The following MINDY4B variants were observed in gnomAD, a reference collection of about 807,000 sequenced individuals.
The protein encoded by MINDY4B is MINDY family member 4B, also known as inactive ubiquitin carboxyl-terminal hydrolase MINDY-4B.
Under a neutral mutation model 16.7 loss-of-function variants are expected in MINDY4B, and 25 were observed. The observed-to-expected ratio is 1.49, with a 90% CI of 1.09 to 2.09. MINDY4B has a LOEUF of 2.09. Ranked by LOEUF, MINDY4B falls within the 30% of genes most tolerant of loss-of-function variation. The pLI is 0.00. For missense variants in MINDY4B, 327 were observed against 168.4 expected, an observed-to-expected ratio of 1.94 and a Z score of -5.21; for synonymous variants, 132 against 61.9, an observed-to-expected ratio of 2.13 and a Z score of -5.32.
intron 3 of MINDY4B, among the ~76,000 whole-genome samples, chr3:150,901,710 G>A (rs982678304): frequency 6.6e-6 from 1 of 151,738 alleles, no homozygotes; most frequent in African/African-American, 2.4e-5. Context: ...TAGTAGAGAT[G>A]GGGTTTTGCC....
intron 1 of MINDY4B, 107 bp downstream of exon 1, chr3:150,905,220 G>A (rs150072540): frequency 2.5e-6 from 1 of 397,998 alleles, no homozygotes; most frequent in Admixed American, 4.4e-5. Flanking sequence ...GCATTTTAAA[G>A]GTAAATCTAT....
chr3:150,873,552 ATGAT>A (rs1717018135), intron 10 of MINDY4B, among the ~76,000 whole-genome samples, 185 bp from the exon 11 acceptor site: 1 of 152,214 alleles, frequency 6.6e-6, no homozygotes, highest in African/African-American at 2.4e-5. Context: ...GCATTTATGA[ATGAT>A]CTGGTATAGT....
chr3:150,890,512 G>T, intron 6 of MINDY4B, 127 bp from the exon 7 acceptor site: 1 of 487,126 alleles, frequency 2.1e-6, no homozygotes, highest in Non-Finnish European at 3.6e-6. Flanking sequence ...ACTAAAAACT[G>T]ACATACTATC....
At chr3:150,885,555 A>G (rs759321495) in intron 7 of MINDY4B, 117 bp from the exon 8 acceptor site, 3 of 661,316 alleles carry the variant, frequency 4.5e-6, no homozygotes, top group South Asian at 3.3e-5. Context: ...TGGCTGCTGA[A>G]AGGAATGAGC....
intron 3 of MINDY4B, among the ~76,000 whole-genome samples, chr3:150,895,038 G>A (rs1711924931): frequency 6.6e-6 from 1 of 152,216 alleles, no homozygotes; most frequent in African/African-American, 2.4e-5. Context: ...ACTGGCATTT[G>A]AATGAGGCTG....
Position 150,882,959 on chromosome 3 carries a change from G to A in MINDY4B, c.997C>T (p.Arg333Cys), listed in dbSNP as rs1161068678. The A allele has an allele frequency of 1.6e-5, 11 of 702,648 alleles. No individual in the cohort carries two copies. The highest frequency in any genetic ancestry group is 2.1e-5 in the Non-Finnish European group (8 of 384,774). 43.5% of individuals were successfully genotyped at this position (702,648 alleles called of 1,614,324 possible). Reference sequence around the variant, plus strand: ...CACTGCAAATAGCCAACATCACTGCGGGTCAGGACTCCATGTAGTGTTTCC... The same window carrying A: ...CACTGCAAATAGCCAACATCACTGCAGGTCAGGACTCCATGTAGTGTTTCC... The part of the protein sequence containing the change: ...SQETLHGVLT[R>C]SDVGYLQWGK... Residue 333 changes from arginine (R) to cysteine (C), a missense_variant, in exon 10 of 12, where the codon CGC (arginine) becomes TGC (cysteine). Coordinates refer to ENST00000465419, the MANE Select transcript of MINDY4B (RefSeq NM_001351281.2).
chr3:150,896,141 T>C (rs1305390066), intron 3 of MINDY4B, among the ~76,000 whole-genome samples: 1 of 152,190 alleles, frequency 6.6e-6, no homozygotes, highest in Non-Finnish European at 1.5e-5. Flanking sequence ...AATTTCCTTC[T>C]TCTACTTGTT....
intron 3 of MINDY4B, among the ~76,000 whole-genome samples, chr3:150,896,468 A>C (rs1057326664): frequency 3.9e-5 from 6 of 152,088 alleles, no homozygotes; most frequent in African/African-American, 7.2e-5. Flanking sequence ...TTGTTTTGCC[A>C]TATTACCAGA....
chr3:150,902,849 C>G (rs1303717758), intron 3 of MINDY4B, among the ~76,000 whole-genome samples: 1 of 152,326 alleles, frequency 6.6e-6, no homozygotes, highest in South Asian at 2.1e-4. Context: ...TTCCCCAGCT[C>G]TCTCCCTCCT....
At chr3:150,904,794 C>G (rs2124514) in intron 2 of MINDY4B, among the ~76,000 whole-genome samples, 7,690 of 152,166 alleles carry the variant, frequency 0.051, 437 homozygotes, top group East Asian at 0.14. Flanking sequence ...TGGGAACTTT[C>G]GATTTTAATA....
At chr3:150,883,678 A>G (rs1200746150) in intron 9 of MINDY4B, 22 bp downstream of exon 9, 4 of 702,456 alleles carry the variant, frequency 5.7e-6, no homozygotes. Context: ...CTACAATAGA[A>G]AGGCAGAGTC....
chr3:150,904,260 CT>C (rs1289207707), intron 2 of MINDY4B, among the ~76,000 whole-genome samples: 2 of 151,946 alleles, frequency 1.3e-5, no homozygotes, highest in Non-Finnish European at 2.9e-5. Context: ...ATTGTTTTAT[CT>C]TTTGAATGTT....
Position 150,890,400 on chromosome 3 carries a change from C to G in MINDY4B, c.688-15G>C, listed in dbSNP as rs1334977522. The G allele has an allele frequency of 1.6e-6, 1 of 615,238 alleles. No homozygotes were observed. The highest frequency in any genetic ancestry group is 1.9e-5 in the African/African-American group (1 of 53,284). 38.1% of individuals were successfully genotyped at this position (615,238 alleles called of 1,614,324 possible). A position where few individuals can be genotyped will look rare whatever the true frequency, so the allele number is the denominator to read the frequency against. ...AACAGCTGGAGCTATAAATCAGGAA[C>G]AGAAGATAAAAATGAAAAGGAAGAT... On this transcript the variant is annotated splice_polypyrimidine_tract_variant and intron_variant, in intron 6 of 11. Transcript: ENST00000465419.
intron 7 of MINDY4B, among the ~76,000 whole-genome samples, chr3:150,888,748 G>T (rs1052097772): frequency 5.3e-5 from 8 of 152,176 alleles, no homozygotes; most frequent in African/African-American, 1.9e-4. Flanking sequence ...CTTCTGTGTA[G>T]GGCCTTGATT....
chr3:150,901,522 C>CTT (rs10556676), intron 3 of MINDY4B: 20 of 134,988 alleles, frequency 1.5e-4, no homozygotes, highest in South Asian at 7.3e-4. Context: ...CTTTTCTTTT[C>CTT]TTTTTTTTTT....
chr3:150,876,743 G>C (rs1026544650), intron 10 of MINDY4B, among the ~76,000 whole-genome samples: 2 of 152,146 alleles, frequency 1.3e-5, no homozygotes, highest in Admixed American at 1.3e-4. Context: ...GCTGCCGTAG[G>C]AGTAATTCTG....
intron 8 of MINDY4B, 59 bp downstream of exon 8, chr3:150,885,309 A>G (rs769800496): frequency 2.3e-5 from 16 of 691,450 alleles, no homozygotes; most frequent in Non-Finnish European, 3.4e-5. Flanking sequence ...ACAAGAGTAC[A>G]TTGTTTATGT....
intron 7 of MINDY4B, among the ~76,000 whole-genome samples, chr3:150,888,670 G>A (rs1371562177): frequency 3.3e-5 from 5 of 152,134 alleles, no homozygotes. Flanking sequence ...AATGGCACCA[G>A]CCCTTCCCTA....
chr3:150,884,893 G>T (rs1261063400), intron 8 of MINDY4B, among the ~76,000 whole-genome samples: 1 of 152,078 alleles, frequency 6.6e-6, no homozygotes. Flanking sequence ...CCTGGGACTT[G>T]CCCAGCATCT....
Sources: gnomAD v4.1 joint callset for allele counts (sites outside exome capture counted in the v4.1 genomes callset) on GRCh38, gnomAD v4.1.1 for gene constraint, MANE v1.5 for transcripts, NCBI Gene and HGNC (gene_info 2026-07-23, HGNC 2026-07-21) for gene names.